The following HORMAD2 variants were observed in gnomAD, a reference collection of about 807,000 sequenced individuals.
HORMAD2 encodes HORMA domain-containing protein 2.
A neutral mutation model predicts 38.8 loss-of-function variants in HORMAD2; 45 were observed. The ratio of observed to expected loss-of-function variants is 1.16; its 90% CI spans 0.91 to 1.49. The LOEUF is 1.49. Ranked by LOEUF, HORMAD2 falls within the 40% of genes most tolerant of loss-of-function variation. HORMAD2 has a pLI of 0.00. For missense variants in HORMAD2, 338 were observed against 367.0 expected (o/e 0.92, Z 0.65); for synonymous variants, 126 against 122.8 (o/e 1.03, Z -0.17).
the HORMAD2 span, among the ~76,000 whole-genome samples, chr22:30,204,955 G>A: frequency 6.6e-6 from 1 of 152,198 alleles, no homozygotes; most frequent in Non-Finnish European, 1.5e-5. Context: ...CTTTTCCCCT[G>A]AGTTATTGCA....
intron 10 of HORMAD2, among the ~76,000 whole-genome samples, chr22:30,145,864 G>A (rs968356892): frequency 2.6e-5 from 4 of 152,034 alleles, no homozygotes; most frequent in East Asian, 1.9e-4. Context: ...AGAGGAGAAG[G>A]CTTCACAACT....
chr22:30,199,996 A>G, the HORMAD2 span, among the ~76,000 whole-genome samples: 2 of 152,112 alleles, frequency 1.3e-5, no homozygotes, highest in African/African-American at 4.8e-5. Context: ...AGCTCATGGC[A>G]ACCTCTGCCT....
At chr22:30,179,310 T>G (rs1221076088), downstream of HORMAD2, among the ~76,000 whole-genome samples, 1 of 152,172 alleles carries the variant, frequency 6.6e-6, no homozygotes, top group Non-Finnish European at 1.5e-5. Context: ...CTAGATTCTG[T>G]ACAAGCGAGA....
At chr22:30,194,346 G>C in the HORMAD2 span, among the ~76,000 whole-genome samples, 3 of 152,172 alleles carry the variant, frequency 2.0e-5, no homozygotes, top group East Asian at 5.8e-4. Context: ...CATTACAGTT[G>C]TTTAGTCTGG....
the HORMAD2 span, among the ~76,000 whole-genome samples, chr22:30,191,630 T>TATTACAG: frequency 6.6e-6 from 1 of 152,252 alleles, no homozygotes; most frequent in African/African-American, 2.4e-5. Flanking sequence ...GCAGGTGGAC[T>TATTACAG]TCACGTTATT....
At chr22:30,184,839 G>A in the HORMAD2 span, 28 of 152,206 alleles carry the variant, frequency 1.8e-4, no homozygotes, top group Non-Finnish European at 3.7e-4. Flanking sequence ...GTGGTGCTAG[G>A]GATTGTGCTG....
At chr22:30,088,948 T>C (rs888774596) in intron 1 of HORMAD2, among the ~76,000 whole-genome samples, 1 of 152,126 alleles carries the variant, frequency 6.6e-6, no homozygotes, top group African/African-American at 2.4e-5. Context: ...GATATGAAGG[T>C]TATAGTCTCA....
intron 10 of HORMAD2, among the ~76,000 whole-genome samples, chr22:30,139,331 C>A (rs1923913276): frequency 8.5e-6 from 1 of 117,144 alleles, no homozygotes; most frequent in Non-Finnish European, 1.7e-5. Flanking sequence ...ATATAAATAA[C>A]CTGTCTCTCT....
At chr22:30,114,555 A>T (rs1194954341) in intron 7 of HORMAD2, among the ~76,000 whole-genome samples, 1 of 152,226 alleles carries the variant, frequency 6.6e-6, no homozygotes. Flanking sequence ...TTTGGCATTC[A>T]TCTCATATTG....
intron 10 of HORMAD2, among the ~76,000 whole-genome samples, chr22:30,144,354 C>T (rs1187789483): frequency 3.9e-5 from 6 of 152,208 alleles, no homozygotes; most frequent in Non-Finnish European, 7.3e-5. Context: ...AACTGGCCAG[C>T]CTACAGTTTA....
the HORMAD2 span, among the ~76,000 whole-genome samples, chr22:30,199,640 A>C: frequency 0.054 from 8,150 of 151,552 alleles, 428 homozygotes; most frequent in South Asian, 0.23. Flanking sequence ...ATATGTTCTA[A>C]TATCTCGTTG....
intron 5 of HORMAD2, among the ~76,000 whole-genome samples, chr22:30,110,123 C>T (rs1247775621): frequency 6.6e-6 from 1 of 151,952 alleles, no homozygotes; most frequent in African/African-American, 2.4e-5. Context: ...ATTTATATAG[C>T]ATTTACATGG....
chr22:30,145,262 A>G (rs1924343116), intron 10 of HORMAD2, among the ~76,000 whole-genome samples: 1 of 152,230 alleles, frequency 6.6e-6, no homozygotes, highest in Non-Finnish European at 1.5e-5. Context: ...ACAGAAAAAA[A>G]TCAGTAGTTG....
intron 10 of HORMAD2, among the ~76,000 whole-genome samples, chr22:30,174,313 C>T (rs1601600881): frequency 6.6e-6 from 1 of 152,122 alleles, no homozygotes; most frequent in South Asian, 2.1e-4. Context: ...GTCAAGTGTA[C>T]AAACTCAGCC....
chr22:30,168,892 C>T (rs114101947), intron 10 of HORMAD2, among the ~76,000 whole-genome samples: 1,968 of 152,234 alleles, frequency 0.013, 47 homozygotes, highest in African/African-American at 0.046. Flanking sequence ...TCTTGGAACC[C>T]TTCAGGGCTC....
Position 30,122,121 on chromosome 22 carries a change from T to G in HORMAD2, c.726T>G (p.Ile242Met), listed in dbSNP as rs754574814. 1 of 1,613,790 alleles carries G rather than the reference T, an allele frequency of 6.2e-7. No individual in the cohort carries two copies. The highest frequency in any genetic ancestry group is 1.1e-5 in the South Asian group (1 of 91,038). ...VKVMTEATKV[I>M]DLENNLFREN... ...TCATGACAGAGGCTACAAAAGTGAT[T>G]GATTTGGAGAACAATCTGTTTCGGG... The change falls in exon 10 of 11, where the codon ATT (isoleucine) becomes ATG (methionine). Residue 242 changes from isoleucine (I) to methionine (M), a missense_variant. Coordinates refer to ENST00000336726, the MANE Select transcript of HORMAD2 (RefSeq NM_152510.4).
rs974501233 is a variant in HORMAD2, at chr22:30,176,496, A to AT, written c.*336dup. The AT allele has an allele frequency of 2.1e-5, 5 of 235,276 alleles. No homozygotes were observed. The highest frequency in any genetic ancestry group is 9.2e-5 in the African/African-American group (4 of 43,528). 14.6% of individuals were successfully genotyped at this position (235,276 alleles called of 1,614,324 possible). A position where few individuals can be genotyped will look rare whatever the true frequency, so the allele number is the denominator to read the frequency against. ...GCTGTTGTTCTCAAAGGAAAGAAGG[A>AT]TTTTTTTGCATAATTAAACTCTTCA... On this transcript the variant is annotated 3_prime_UTR_variant, in exon 11 of 11. Coordinates refer to ENST00000336726, the MANE Select transcript of HORMAD2 (RefSeq NM_152510.4).
intron 5 of HORMAD2, 58 bp from the exon 6 acceptor site, chr22:30,111,738 A>G: frequency 7.6e-7 from 1 of 1,324,148 alleles, no homozygotes; most frequent in Non-Finnish European, 1.0e-6. Flanking sequence ...TATTGAAAAG[A>G]ATGATAATAT....
At chr22:30,099,016 C>G in intron 3 of HORMAD2, 23 bp downstream of exon 3, 1 of 1,597,430 alleles carries the variant, frequency 6.3e-7, no homozygotes, top group Non-Finnish European at 8.5e-7. Flanking sequence ...TAACTAGTCT[C>G]TTTGGCTGTT....
Sources: allele counts gnomAD v4.1 joint callset (sites outside exome capture counted in the v4.1 genomes callset), GRCh38; gene constraint gnomAD v4.1.1; transcripts MANE v1.5; gene names NCBI Gene and HGNC (gene_info 2026-07-23, HGNC 2026-07-21).